The following SYNPR variants were observed in gnomAD, a reference collection of about 807,000 sequenced individuals.
The protein encoded by SYNPR is synaptoporin.
In SYNPR, 23 loss-of-function variants were observed where a neutral mutation model predicts 32.9. The ratio of observed to expected loss-of-function variants is 0.70; its 90% CI spans 0.50 to 0.99. The LOEUF (loss-of-function observed/expected upper bound fraction) is 0.99, where lower values mean the gene tolerates loss of function less well. Ranked by LOEUF, SYNPR falls within the 50% of genes least tolerant of loss-of-function variation. The pLI, the probability that SYNPR is intolerant of heterozygous loss-of-function variation, is 0.00. For synonymous variants in SYNPR, 146 were observed against 135.9 expected, an observed-to-expected ratio of 1.07 and a Z score of -0.52; for missense variants, 318 against 349.3, an observed-to-expected ratio of 0.91 and a Z score of 0.71.
intron 2 of SYNPR, among the ~76,000 whole-genome samples, chr3:63,460,897 A>C (rs1700572402): frequency 1.3e-5 from 2 of 152,126 alleles, no homozygotes; most frequent in African/African-American, 2.4e-5. Context: ...TGGGCAAATG[A>C]TGATAGTGGC....
At chr3:63,395,881 G>A (rs898755000) in intron 2 of SYNPR, among the ~76,000 whole-genome samples, 5 of 151,760 alleles carry the variant, frequency 3.3e-5, no homozygotes, top group African/African-American at 1.2e-4. Context: ...TTTTTTGAGG[G>A]ATTTAAAAGT....
intron 3 of SYNPR, among the ~76,000 whole-genome samples, chr3:63,521,367 A>G (rs1361262316): frequency 2.0e-5 from 3 of 152,228 alleles, no homozygotes; most frequent in African/African-American, 4.8e-5. Context: ...CTGCCTGAGT[A>G]TCTTTGTAGA....
chr3:63,227,541 T>C (rs928445697), upstream of SYNPR, among the ~76,000 whole-genome samples: 1 of 152,140 alleles, frequency 6.6e-6, no homozygotes, highest in African/African-American at 2.4e-5. Context: ...ATGTAGAGGG[T>C]AGGCAGTCCA....
intron 3 of SYNPR, among the ~76,000 whole-genome samples, chr3:63,516,175 C>T (rs903703121): frequency 2.0e-5 from 3 of 151,942 alleles, no homozygotes; most frequent in Non-Finnish European, 4.4e-5. Flanking sequence ...AGAAAAATAC[C>T]CAGAACATTG....
intron 2 of SYNPR, among the ~76,000 whole-genome samples, chr3:63,261,458 T>C (rs1420274149): frequency 6.7e-6 from 1 of 150,218 alleles, no homozygotes; most frequent in Non-Finnish European, 1.5e-5. Flanking sequence ...CAGTAAACTA[T>C]TGCAAGAACA....
chr3:63,219,548 TGAC>T, the SYNPR span, among the ~76,000 whole-genome samples: 1 of 152,220 alleles, frequency 6.6e-6, no homozygotes, highest in African/African-American at 2.4e-5. Flanking sequence ...GTATAGCTTT[TGAC>T]TCCCCCAAAA....
At chr3:63,338,542 A>G (rs1014857525) in intron 2 of SYNPR, among the ~76,000 whole-genome samples, 1 of 152,216 alleles carries the variant, frequency 6.6e-6, no homozygotes, top group Non-Finnish European at 1.5e-5. Context: ...TTCAGATCCA[A>G]GTGGATCCTT....
chr3:63,508,656 C>G (rs1294133280), intron 3 of SYNPR, among the ~76,000 whole-genome samples: 1 of 152,106 alleles, frequency 6.6e-6, no homozygotes, highest in Non-Finnish European at 1.5e-5. Context: ...TATGACTGGC[C>G]TGGTTAGGGT....
chr3:63,297,246 A>C (rs561537538), intron 2 of SYNPR, among the ~76,000 whole-genome samples: 1 of 152,318 alleles, frequency 6.6e-6, no homozygotes, highest in African/African-American at 2.4e-5. Flanking sequence ...CATTGGTGGC[A>C]GTGAGTTTTT....
At chr3:63,512,953 G>A (rs1320868271) in intron 3 of SYNPR, among the ~76,000 whole-genome samples, 3 of 151,996 alleles carry the variant, frequency 2.0e-5, no homozygotes, top group Non-Finnish European at 4.4e-5. Context: ...TTTCAACCCA[G>A]CCTCTATTTT....
chr3:63,383,736 C>T (rs985233719), intron 2 of SYNPR, among the ~76,000 whole-genome samples: 1 of 152,128 alleles, frequency 6.6e-6, no homozygotes, highest in African/African-American at 2.4e-5. Context: ...AAATAGCACT[C>T]CTCTCTATGA....
chr3:63,247,658 G>T (rs1218407312), intron 1 of SYNPR, among the ~76,000 whole-genome samples: 1 of 152,088 alleles, frequency 6.6e-6, no homozygotes, highest in Non-Finnish European at 1.5e-5. Context: ...CTAACACTTG[G>T]ATGACCACTG....
chr3:63,514,971 G>A (rs1303168109), intron 3 of SYNPR, among the ~76,000 whole-genome samples: 1 of 152,058 alleles, frequency 6.6e-6, no homozygotes, highest in Non-Finnish European at 1.5e-5. Flanking sequence ...AATCCTGAGT[G>A]GCAGGCTCAA....
upstream of SYNPR, among the ~76,000 whole-genome samples, chr3:63,226,928 A>C (rs2086132470): frequency 6.6e-6 from 1 of 152,252 alleles, no homozygotes; most frequent in Non-Finnish European, 1.5e-5. Context: ...CCCTGATCTG[A>C]CTTGATCATC....
chr3:63,355,725 C>T (rs547826288), intron 2 of SYNPR, among the ~76,000 whole-genome samples: 3 of 151,496 alleles, frequency 2.0e-5, no homozygotes, highest in Non-Finnish European at 4.4e-5. Context: ...CAGTGCTCAG[C>T]CCCCTTCTCT....
chr3:63,479,357 T>A (rs1372804237), intron 2 of SYNPR, among the ~76,000 whole-genome samples: 2 of 152,168 alleles, frequency 1.3e-5, no homozygotes, highest in African/African-American at 4.8e-5. Flanking sequence ...ATTTTACTCT[T>A]ACTACAATCC....
chr3:63,224,161 G>T (rs35860039), upstream of SYNPR, among the ~76,000 whole-genome samples: 35,439 of 152,088 alleles, frequency 0.23, 4,333 homozygotes, highest in Middle Eastern at 0.36. Context: ...CACAGCAGGA[G>T]GTGAGTGGCA....
intron 4 of SYNPR, among the ~76,000 whole-genome samples, chr3:63,602,368 C>A (rs1700057313): frequency 6.6e-6 from 1 of 152,100 alleles, no homozygotes; most frequent in Admixed American, 6.6e-5. Flanking sequence ...TCCCATTTGT[C>A]AGTTTTTGTT....
At chr3:63,611,712 G>C (rs547542080) in intron 5 of SYNPR, among the ~76,000 whole-genome samples, 5 of 152,192 alleles carry the variant, frequency 3.3e-5, no homozygotes, top group East Asian at 3.9e-4. Context: ...CACAGCAGAA[G>C]ATAGCCACTC....
Sources: allele counts gnomAD v4.1 joint callset (sites outside exome capture counted in the v4.1 genomes callset), GRCh38; gene constraint gnomAD v4.1.1; transcripts MANE v1.5; gene names NCBI Gene and HGNC (gene_info 2026-07-23, HGNC 2026-07-21).